Variants in EP400 observed in about 807,000 individuals in gnomAD.
EP400 encodes E1A-binding protein p400.
In EP400, 105 loss-of-function variants were observed where a neutral mutation model predicts 354.1. The observed-to-expected ratio is 0.30, with a 90% CI of 0.25 to 0.35. The LOEUF (loss-of-function observed/expected upper bound fraction) is 0.35. EP400 is among the 10% of genes least tolerant of loss of function. EP400 has a pLI of 1.00. For missense variants in EP400, 3,280 were observed against 4,121.0 expected (o/e 0.80, Z 5.59); for synonymous variants, 1,646 against 1,716.9 (o/e 0.96, Z 1.02).
At chr12:132,016,928 C>G (rs1364307543) in intron 19 of EP400, among the ~76,000 whole-genome samples, 1 of 152,208 alleles carries the variant, frequency 6.6e-6, no homozygotes, top group Non-Finnish European at 1.5e-5. Flanking sequence ...CTCTCCCGAC[C>G]AGTTACCTGT....
chr12:132,022,138 G>A (rs1894142015), intron 23 of EP400, among the ~76,000 whole-genome samples: 1 of 152,180 alleles, frequency 6.6e-6, no homozygotes, highest in Non-Finnish European at 1.5e-5. Context: ...AAAATAAAGA[G>A]GAATTGTCCT....
intron 12 of EP400, among the ~76,000 whole-genome samples, chr12:132,004,162 T>C (rs976301948): frequency 2.6e-5 from 4 of 152,238 alleles, no homozygotes; most frequent in African/African-American, 7.2e-5. Context: ...CGTGTTGATT[T>C]CCAGAAAAAT....
rs1245376969 is a variant in EP400, at chr12:131,982,296, G to T, written c.1747G>T (p.Val583Leu). Residue 583 changes from valine (V) to leucine (L), a missense_variant, in exon 5 of 53, where the codon GTG (valine) becomes TTG (leucine). Physicochemically the swap from Val to Leu is conservative, Grantham distance 32. This residue lies in a region of EP400 where 800 missense variants were observed against 840.0 expected (regional missense o/e 0.95). Transcript: ENST00000389561. ...GCTGCAGTTTGCACAGCAGCCGCAA[G>T]TGGTAGAGGCCCAGACACAGCTCCA... ...SALQFAQQPQ[V>L]VEAQTQLQIP... 1.2e-6 allele frequency: 2 copies of T among 1,614,184 alleles called. No homozygotes were observed. Among genetic ancestry groups the T allele is most frequent in the Admixed American group, 3.3e-5 (2 of 60,032 alleles).
At position 132,027,655 on chromosome 12, in the gene EP400, AT is replaced by A; in HGVS notation, c.5109+128del. The A allele has an allele frequency of 1.3e-6, 1 of 763,034 alleles. No individual in the cohort carries two copies. Among genetic ancestry groups the A allele is most frequent in the Non-Finnish European group, 2.1e-6 (1 of 483,044 alleles). The allele number at this position is 763,034 out of a possible 1,614,324, so 47.3% of individuals were successfully genotyped here. On this transcript the variant is annotated intron_variant, in intron 26 of 52. Transcript: ENST00000389561. This position sits in a 1 kb window ranked among gnomAD's most constrained non-coding sequence, Gnocchi z 4.9. ...TCTCAAGTGATGTTACTGAATTCTT[AT>A]TTTAAAACACACATTTTCTAATAAA...
In EP400 at chr12:131,994,403, G is replaced by C. The variant is rs902185305; in HGVS notation, c.2738-464G>C. Among the ~76,000 whole-genome samples the C allele has an allele frequency of 6.6e-6, 1 of 152,192 alleles. No homozygotes were observed. Among genetic ancestry groups the C allele is most frequent in the South Asian group, 2.1e-4 (1 of 4,834 alleles). On this transcript the variant is annotated intron_variant, in intron 11 of 52. Coordinates refer to ENST00000389561, the MANE Select transcript of EP400 (RefSeq NM_015409.5). The surrounding 1 kb of genome is among the most constrained non-coding windows in gnomAD (Gnocchi z 4.6). ...CCAGGAGCCAAGATCTCTATGGCGA[G>C]TGAGGCGTGAGGTTCAGGGCTGGAG...
chr12:131,967,868 G>C (rs1012551469), intron 2 of EP400, among the ~76,000 whole-genome samples: 8 of 151,996 alleles, frequency 5.3e-5, no homozygotes, highest in Non-Finnish European at 1.2e-4. Flanking sequence ...TAATTTGGAT[G>C]TCTCTGAAGA....
rs146910896 is a variant in EP400 at position 131,997,586 on chromosome 12, C to T, written c.2827+2630C>T. Among the ~76,000 whole-genome samples the T allele has an allele frequency of 4.5e-4, 68 of 152,080 alleles. 1 individual carries two copies. The highest frequency in any genetic ancestry group is 1.4e-3 in the African/African-American group (59 of 41,476). ...TGTATGTTATGTGTATTTAATATTA[C>T]GTACTGTATTCTTACAACAAAGTAA... On this transcript the variant is annotated intron_variant, in intron 12 of 52. Transcript: ENST00000389561.
intron 45 of EP400, 112 bp downstream of exon 45, chr12:132,055,320 C>A: frequency 2.2e-6 from 2 of 908,234 alleles, no homozygotes; most frequent in Non-Finnish European, 3.2e-6. Flanking sequence ...GAAAAACTGT[C>A]TAGTTTGAAT....
chr12:131,963,798 T>C (rs1386320918), intron 2 of EP400, among the ~76,000 whole-genome samples: 1 of 152,216 alleles, frequency 6.6e-6, no homozygotes, highest in Non-Finnish European at 1.5e-5. Context: ...TATACAATTA[T>C]AAAATTAAAT....
At chr12:132,040,888 T>A (rs1287432969) in intron 32 of EP400, among the ~76,000 whole-genome samples, 1 of 152,080 alleles carries the variant, frequency 6.6e-6, no homozygotes, top group East Asian at 1.9e-4. Flanking sequence ...TCTGACTCCT[T>A]TGTTGAGACT....
rs1329207201 is a variant in EP400, at chr12:132,054,453, A to T, written c.7729-521A>T. Reference sequence around the variant, plus strand: ...GCCACGTCCTACAGGGGAGGGAGGCAGCCAAAGGGATCATTTTAAATGCTG... The same window carrying T: ...GCCACGTCCTACAGGGGAGGGAGGCTGCCAAAGGGATCATTTTAAATGCTG... On this transcript the variant is annotated intron_variant, in intron 43 of 52. Coordinates refer to ENST00000389561, the MANE Select transcript of EP400 (RefSeq NM_015409.5). The surrounding 1 kb of genome is among the most constrained non-coding windows in gnomAD (Gnocchi z 4.0). 6.6e-6 allele frequency among the ~76,000 whole-genome samples: 1 copy of T among 152,230 alleles called. No homozygotes were observed. Among genetic ancestry groups the T allele is most frequent in the Non-Finnish European group, 1.5e-5 (1 of 68,044 alleles).
chr12:132,053,387 G>GGCCCCCCCCCCCCCCCCCCC lies in EP400; in HGVS notation c.7518_7519insGCCCCCCCCCCCCCCCCCCC (p.Pro2507AlafsTer95). On this transcript the variant is annotated frameshift_variant, in exon 43 of 53. Coordinates refer to ENST00000389561, the MANE Select transcript of EP400 (RefSeq NM_015409.5). LOFTEE classifies it high-confidence loss of function. ...AGGCACAGCAGCCGGCCGTGGCCCA[G>GGCCCCCCCCCCCCCCCCCCC]CCACCCCCGCCCCAGCCGCAGCCCC... 6.5e-7 allele frequency: 1 copy of GGCCCCCCCCCCCCCCCCCCC among 1,546,960 alleles called. No homozygotes were observed. The highest frequency in any genetic ancestry group is 2.3e-5 in the East Asian group (1 of 43,406).
At position 132,017,097 on chromosome 12, in the gene EP400, C is replaced by T. The variant is rs535421761; in HGVS notation, c.3924-438C>T. 3.3e-5 allele frequency among the ~76,000 whole-genome samples: 5 copies of T among 152,338 alleles called. No homozygotes were observed. The highest frequency in any genetic ancestry group is 1.2e-4 in the African/African-American group (5 of 41,584). On this transcript the variant is annotated intron_variant, in intron 19 of 52. Coordinates refer to ENST00000389561, the MANE Select transcript of EP400 (RefSeq NM_015409.5). The surrounding 1 kb of genome is among the most constrained non-coding windows in gnomAD (Gnocchi z 5.0). Reference sequence around the variant, plus strand: ...CCCCTTCACTGGGTGGTAAGCCGCACAGGGCATGGACCTGGGTCCTCGTCT... The same window carrying T: ...CCCCTTCACTGGGTGGTAAGCCGCATAGGGCATGGACCTGGGTCCTCGTCT...
rs1893970555 is a variant in EP400 at position 132,017,178 on chromosome 12, C to A, written c.3924-357C>A. On this transcript the variant is annotated intron_variant, in intron 19 of 52. Transcript: ENST00000389561. The surrounding 1 kb of genome is among the most constrained non-coding windows in gnomAD (Gnocchi z 5.0). ...AGGACCAGGCGTCAGAGCTGCCGAGCGGGTGTGTGAGGGGCTTTACTCTGC... is the reference window on the plus strand; with the variant it reads ...AGGACCAGGCGTCAGAGCTGCCGAGAGGGTGTGTGAGGGGCTTTACTCTGC... Among the ~76,000 whole-genome samples the A allele has an allele frequency of 6.6e-6, 1 of 152,178 alleles. No homozygotes were observed. Among genetic ancestry groups the A allele is most frequent in the South Asian group, 2.1e-4 (1 of 4,832 alleles).
Position 132,056,082 on chromosome 12 carries a change from C to T in EP400, c.7884+874C>T, listed in dbSNP as rs959746442. 3.3e-5 allele frequency among the ~76,000 whole-genome samples: 5 copies of T among 152,040 alleles called. No homozygotes were observed. In the South Asian group the frequency reaches 6.2e-4, roughly 19 times the overall value. Reference sequence around the variant, plus strand: ...CCCAGGTGGAGAGGAGGCACCTAGGCAAAGGTGCAGAGCCATGTGGTGCCC... The same window carrying T: ...CCCAGGTGGAGAGGAGGCACCTAGGTAAAGGTGCAGAGCCATGTGGTGCCC... On this transcript the variant is annotated intron_variant, in intron 45 of 52. Transcript: ENST00000389561.
At chr12:131,973,884 A>AT (rs1566167417) in intron 2 of EP400, among the ~76,000 whole-genome samples, 1 of 151,174 alleles carries the variant, frequency 6.6e-6, no homozygotes, top group East Asian at 1.9e-4. Flanking sequence ...TGATTGGAGC[A>AT]TTTTTTTCAG....
intron 29 of EP400, among the ~76,000 whole-genome samples, 158 bp downstream of exon 29, chr12:132,030,316 T>C (rs904446364): frequency 5.9e-5 from 9 of 152,232 alleles, no homozygotes; most frequent in African/African-American, 2.2e-4. Flanking sequence ...CATCCTTCGA[T>C]ATTTTTTATT....
At chr12:131,965,447 G>A (rs1278467541) in intron 2 of EP400, among the ~76,000 whole-genome samples, 1 of 152,106 alleles carries the variant, frequency 6.6e-6, no homozygotes, top group Non-Finnish European at 1.5e-5. Context: ...AGAATCAGTA[G>A]GCTGTAATAT....
chr12:132,049,939 C>A (rs1046842805), intron 39 of EP400, among the ~76,000 whole-genome samples: 2 of 152,212 alleles, frequency 1.3e-5, no homozygotes, highest in Non-Finnish European at 2.9e-5. Flanking sequence ...ACAGTGTTGT[C>A]CGTGGCAGTC....
Sources: gnomAD v4.1 joint callset for allele counts (sites outside exome capture counted in the v4.1 genomes callset) on GRCh38, gnomAD v4.1.1 for gene constraint, gnomAD v4.1.1 regional missense constraint, Gnocchi (gnomAD v3.1) non-coding constraint, MANE v1.5 for transcripts, NCBI Gene and HGNC (gene_info 2026-07-23, HGNC 2026-07-21) for gene names.